Variants in ANKS6 observed in about 807,000 individuals in gnomAD.
The protein encoded by ANKS6 is ankyrin repeat and sterile alpha motif domain containing 6.
A neutral mutation model predicts 77.9 loss-of-function variants in ANKS6; 47 were observed. The ratio of observed to expected loss-of-function variants is 0.60; its 90% CI spans 0.48 to 0.77. The LOEUF (loss-of-function observed/expected upper bound fraction) is 0.77, where lower values mean the gene tolerates loss of function less well. ANKS6 is among the 30% of genes least tolerant of loss of function. ANKS6 has a pLI of 0.00. For missense variants in ANKS6, 1,150 were observed against 1,159.1 expected (o/e 0.99, Z 0.11); for synonymous variants, 488 against 501.7 (o/e 0.97, Z 0.37).
chr9:98,739,226 TACTC>T lies in ANKS6; in HGVS notation c.2512-2607_2512-2604del, dbSNP rs1174132974. Among the ~76,000 whole-genome samples, 9 of 152,182 alleles carry T rather than the reference TACTC, an allele frequency of 5.9e-5. No homozygotes were observed. The East Asian group carries it at 1.7e-3, about 29-fold the overall frequency. On this transcript the variant is annotated intron_variant, in intron 14 of 14. Transcript: ENST00000353234. ...TCTCACAAACCACTGCGAAAGAACT[TACTC>T]ATGTAACTAAACACCACCTGTTCCC... is the stretch of plus-strand genomic sequence containing the variant.
intron 14 of ANKS6, among the ~76,000 whole-genome samples, chr9:98,744,085 T>A (rs1479873061): frequency 6.6e-6 from 1 of 152,136 alleles, no homozygotes; most frequent in Non-Finnish European, 1.5e-5. Flanking sequence ...AGCCTGGGCT[T>A]CCCTATATGT....
At chr9:98,756,166 T>C (rs559272594) in intron 12 of ANKS6, among the ~76,000 whole-genome samples, 15 of 152,160 alleles carry the variant, frequency 9.9e-5, no homozygotes, top group Non-Finnish European at 1.9e-4. Context: ...AGCACTTCCA[T>C]GGGTGTATGT....
chr9:98,784,977 A>C (rs753251353), intron 2 of ANKS6, 101 bp from the exon 3 acceptor site: 46 of 1,090,620 alleles, frequency 4.2e-5, no homozygotes, highest in Middle Eastern at 2.1e-4. Context: ...AAAGCATCTA[A>C]TTCTCAAAAG....
rs1031171274 is a variant in ANKS6 at position 98,791,281 on chromosome 9, G to C, written c.360-675C>G. Among the ~76,000 whole-genome samples the C allele has an allele frequency of 6.6e-6, 1 of 152,218 alleles. No individual in the cohort carries two copies. The highest frequency in any genetic ancestry group is 2.4e-5 in the African/African-American group (1 of 41,462). Reference sequence around the variant, plus strand: ...CAAAAGCACACACCCCATGCCAAGAGGTGTGGCAAGGTTGTGGTCAGCAGA... The same window carrying C: ...CAAAAGCACACACCCCATGCCAAGACGTGTGGCAAGGTTGTGGTCAGCAGA... On this transcript the variant is annotated intron_variant, in intron 1 of 14. Coordinates refer to ENST00000353234, the MANE Select transcript of ANKS6 (RefSeq NM_173551.5). This position sits in a 1 kb window ranked among gnomAD's most constrained non-coding sequence, Gnocchi z 4.3.
chr9:98,760,409 CCTGCCCTCT>C (rs1832945099), intron 11 of ANKS6, among the ~76,000 whole-genome samples: 1 of 1,144 alleles, frequency 8.7e-4, no homozygotes, highest in African/African-American at 0.01. Flanking sequence ...ACCCTCTAAT[CCTGCCCTCT>C]AATCCTGCCC....
In ANKS6 at chr9:98,734,145, G is replaced by T; in HGVS notation, c.*2374C>A. 2 of 985,486 alleles carry T rather than the reference G, an allele frequency of 2.0e-6. No individual in the cohort carries two copies. The highest frequency in any genetic ancestry group is 2.4e-6 in the Non-Finnish European group (2 of 830,002). 61.0% of individuals were successfully genotyped at this position (985,486 alleles called of 1,614,324 possible). The stretch of plus-strand genomic sequence containing the variant: ...CCGCATCCAAACATCCCCAGAAAGG[G>T]TGCCAGGGACCTCTTGTGAACCAGC... On this transcript the variant is annotated 3_prime_UTR_variant, in exon 15 of 15. Coordinates refer to ENST00000353234, the MANE Select transcript of ANKS6 (RefSeq NM_173551.5).
chr9:98,737,305 A>G (rs1425632326), intron 14 of ANKS6, among the ~76,000 whole-genome samples: 1 of 152,210 alleles, frequency 6.6e-6, no homozygotes, highest in East Asian at 1.9e-4. Flanking sequence ...TGCTGATGAC[A>G]TGATCGTTTA....
Position 98,734,698 on chromosome 9 carries a change from T to A in ANKS6, c.*1821A>T. ...CTCCTAAGCATCCGTTTCCCGAATG[T>A]GCAAGATGAGGTTACACAATGCCAC... On this transcript the variant is annotated 3_prime_UTR_variant, in exon 15 of 15. Transcript: ENST00000353234. 1 of 935,098 alleles carries A rather than the reference T, an allele frequency of 1.1e-6. No individual in the cohort carries two copies. The highest frequency in any genetic ancestry group is 1.3e-6 in the Non-Finnish European group (1 of 784,370). The allele number at this position is 935,098 out of a possible 1,614,324, so 57.9% of individuals were successfully genotyped here. A position where few individuals can be genotyped will look rare whatever the true frequency, so the allele number is the denominator to read the frequency against.
intron 14 of ANKS6, among the ~76,000 whole-genome samples, chr9:98,736,883 G>A (rs1053875427): frequency 6.6e-6 from 1 of 152,174 alleles, no homozygotes; most frequent in African/African-American, 2.4e-5. Flanking sequence ...GACAGAGTGG[G>A]AGGCCGAGTC....
Position 98,736,586 on chromosome 9 carries a change from T to A in ANKS6, c.2549A>T (p.Asn850Ile), listed in dbSNP as rs1831514528. Residue 850 changes from asparagine to isoleucine, a missense_variant, in exon 15 of 15, where the codon AAC becomes ATC. Coordinates refer to ENST00000353234, the MANE Select transcript of ANKS6 (RefSeq NM_173551.5). ...ERQILQETIH[N>I]FHSSFESSAS... ...ACTGCTCTCAAAGGAAGAGTGAAAG[T>A]TGTGAATGGTTTCCTGTAAAATTTG... The A allele has an allele frequency of 6.2e-7, 1 of 1,613,360 alleles. No homozygotes were observed. The highest frequency in any genetic ancestry group is 2.2e-5 in the East Asian group (1 of 44,862).
chr9:98,792,139 C>G (rs1177576479), intron 1 of ANKS6, among the ~76,000 whole-genome samples: 1 of 152,100 alleles, frequency 6.6e-6, no homozygotes, highest in African/African-American at 2.4e-5. Context: ...GCTCCCAAAC[C>G]ACACCTTCCC....
intron 11 of ANKS6, among the ~76,000 whole-genome samples, chr9:98,762,551 T>A (rs1833072222): frequency 6.6e-6 from 1 of 152,060 alleles, no homozygotes; most frequent in Non-Finnish European, 1.5e-5. Flanking sequence ...GCTATATGTG[T>A]TTTATGTCAG....
Position 98,733,132 on chromosome 9 carries a change from T to C in ANKS6, c.*3387A>G, listed in dbSNP as rs1490575836. On this transcript the variant is annotated 3_prime_UTR_variant, in exon 15 of 15. Coordinates refer to ENST00000353234, the MANE Select transcript of ANKS6 (RefSeq NM_173551.5). Reference sequence around the variant, plus strand: ...TCCCTTGAGGGCAGAGAAGTCCTTTTTCATCTTTGGAGACAGAGCGTACGA... The same window carrying C: ...TCCCTTGAGGGCAGAGAAGTCCTTTCTCATCTTTGGAGACAGAGCGTACGA... The C allele has an allele frequency of 5.3e-6, 5 of 948,448 alleles. No individual in the cohort carries two copies. The East Asian group carries it at 3.5e-4, about 66-fold the overall frequency. 58.8% of individuals were successfully genotyped at this position (948,448 alleles called of 1,614,324 possible).
At chr9:98,757,480 T>C (rs1251859703) in intron 11 of ANKS6, among the ~76,000 whole-genome samples, 2 of 152,202 alleles carry the variant, frequency 1.3e-5, no homozygotes, top group Non-Finnish European at 2.9e-5. Context: ...TTAGATGTGC[T>C]TGTGAATGTA....
intron 12 of ANKS6, among the ~76,000 whole-genome samples, chr9:98,754,145 G>A (rs1379162070): frequency 6.6e-6 from 1 of 152,146 alleles, no homozygotes; most frequent in East Asian, 1.9e-4. Flanking sequence ...GTTCCCCTGG[G>A]TGCATAGGTT....
At chr9:98,765,516 T>C (rs1314334972) in intron 11 of ANKS6, among the ~76,000 whole-genome samples, 5 of 152,218 alleles carry the variant, frequency 3.3e-5, no homozygotes, top group Non-Finnish European at 5.9e-5. Flanking sequence ...GGCTCAGTTG[T>C]CCTGGCCACC....
At position 98,771,064 on chromosome 9, in the gene ANKS6, G is replaced by A. The variant is rs778616115; in HGVS notation, c.1822-18C>T. On this transcript the variant is annotated intron_variant, in intron 9 of 14. Transcript: ENST00000353234. The stretch of plus-strand genomic sequence containing the variant: ...ACGGGTGTCTACAAGAATAAGGCAG[G>A]TGCAGCACTTAGGGAGGCTGCTCCT... 7 of 1,520,398 alleles carry A rather than the reference G, an allele frequency of 4.6e-6. No homozygotes were observed. In the Admixed American group the frequency reaches 6.1e-5, roughly 13 times the overall value. 94.2% of individuals were successfully genotyped at this position (1,520,398 alleles called of 1,614,324 possible).
In ANKS6 at chr9:98,778,382, G is replaced by T; in HGVS notation, c.1411C>A (p.Leu471Met). The T allele has an allele frequency of 6.2e-7, 1 of 1,614,166 alleles. No homozygotes were observed. The highest frequency in any genetic ancestry group is 8.5e-7 in the Non-Finnish European group (1 of 1,180,038). ...AGCCCACGGGGCAGCGTCTGCATCA[G>T]TTTGAGCTTTCGGAACCGATTGGAC... The part of the protein sequence containing the change: ...RMSNRFRKLK[L>M]MQTLPRGLSS... Residue 471 changes from leucine to methionine, a missense_variant, in exon 7 of 15, where the codon CTG becomes ATG. Physicochemically the swap from Leu to Met is conservative, Grantham distance 15. Coordinates refer to ENST00000353234, the MANE Select transcript of ANKS6 (RefSeq NM_173551.5).
At chr9:98,753,720 T>A (rs562007380) in intron 12 of ANKS6, among the ~76,000 whole-genome samples, 10 of 151,976 alleles carry the variant, frequency 6.6e-5, no homozygotes, top group Non-Finnish European at 1.2e-4. Context: ...CTAATGCCCC[T>A]GAAAGTGAAG....
Sources: gnomAD v4.1 joint callset for allele counts (sites outside exome capture counted in the v4.1 genomes callset) on GRCh38, gnomAD v4.1.1 for gene constraint, Gnocchi (gnomAD v3.1) non-coding constraint, MANE v1.5 for transcripts, NCBI Gene and HGNC (gene_info 2026-07-23, HGNC 2026-07-21) for gene names.